Variants in LRRIQ3 observed in about 807,000 individuals in gnomAD.
The protein encoded by LRRIQ3 is leucine rich repeats and IQ motif containing 3.
Under a neutral mutation model 59.3 loss-of-function variants are expected in LRRIQ3, and 75 were observed. The observed-to-expected ratio is 1.26, with a 90% CI of 1.05 to 1.53. LRRIQ3 has a LOEUF of 1.53. Among genes scored for constraint, LRRIQ3 ranks in the 40% most tolerant of loss-of-function variants. LRRIQ3 has a pLI of 0.00. For synonymous variants in LRRIQ3, 250 were observed against 231.3 expected (o/e 1.08, Z -0.73); for missense variants, 831 against 710.0 (o/e 1.17, Z -1.94).
chr1:74,045,087 G>C (rs935756825), intron 6 of LRRIQ3, among the ~76,000 whole-genome samples: 9 of 152,108 alleles, frequency 5.9e-5, no homozygotes, highest in East Asian at 1.9e-4. Flanking sequence ...GAGAAAAAGA[G>C]CGAATCCTCC....
chr1:74,040,861 C>T (rs1654022238), intron 7 of LRRIQ3, among the ~76,000 whole-genome samples: 1 of 152,134 alleles, frequency 6.6e-6, no homozygotes, highest in Non-Finnish European at 1.5e-5. Flanking sequence ...AAATGACACC[C>T]TAACATCAGA....
chr1:74,124,082 A>G (rs969593428), intron 4 of LRRIQ3, among the ~76,000 whole-genome samples: 6 of 151,902 alleles, frequency 3.9e-5, no homozygotes, highest in African/African-American at 1.4e-4. Context: ...TGGTATCTCA[A>G]TGTAGCTTTG....
At chr1:74,178,006 T>C (rs1437090755) in intron 3 of LRRIQ3, among the ~76,000 whole-genome samples, 1 of 151,974 alleles carries the variant, frequency 6.6e-6, no homozygotes, top group Admixed American at 6.6e-5. Flanking sequence ...AGAACTAAAA[T>C]ATCATTATTG....
At chr1:74,197,959 G>A in intron 1 of LRRIQ3, 37 bp downstream of exon 1, 1 of 433,612 alleles carries the variant, frequency 2.3e-6, no homozygotes, top group Non-Finnish European at 4.1e-6. Flanking sequence ...TAGCGGGTCG[G>A]TTCTAACAAT....
chr1:74,112,168 GCCT>G (rs1349041735), intron 4 of LRRIQ3, among the ~76,000 whole-genome samples: 3 of 152,238 alleles, frequency 2.0e-5, no homozygotes, highest in Admixed American at 6.6e-5. Context: ...GTGAGCCACT[GCCT>G]CCTCCTTCTG....
intron 7 of LRRIQ3, among the ~76,000 whole-genome samples, chr1:74,032,524 C>T (rs1413487890): frequency 2.0e-5 from 3 of 151,974 alleles, no homozygotes; most frequent in African/African-American, 7.2e-5. Flanking sequence ...TCACTCTTTC[C>T]CTGTGCTTCC....
At chr1:74,179,726 G>A (rs1227706358) in intron 3 of LRRIQ3, among the ~76,000 whole-genome samples, 1 of 151,746 alleles carries the variant, frequency 6.6e-6, no homozygotes, top group African/African-American at 2.4e-5. Flanking sequence ...AAATTTATAG[G>A]TGGCCTCAAA....
chr1:74,191,886 C>T (rs1426783407), intron 1 of LRRIQ3, among the ~76,000 whole-genome samples: 1 of 151,878 alleles, frequency 6.6e-6, no homozygotes, highest in East Asian at 1.9e-4. Context: ...AAAAGAGCAG[C>T]AAATTTAATC....
At chr1:74,178,044 G>T (rs181112919) in intron 3 of LRRIQ3, among the ~76,000 whole-genome samples, 31 of 151,928 alleles carry the variant, frequency 2.0e-4, no homozygotes, top group Admixed American at 3.9e-4. Flanking sequence ...ATCAATGAAA[G>T]AGTTCCTATC....
At chr1:74,115,377 C>T (rs1646764515) in intron 4 of LRRIQ3, among the ~76,000 whole-genome samples, 1 of 151,844 alleles carries the variant, frequency 6.6e-6, no homozygotes, top group African/African-American at 2.4e-5. Flanking sequence ...TTAATATTTC[C>T]ATCTCATCTT....
intron 5 of LRRIQ3, among the ~76,000 whole-genome samples, chr1:74,080,052 T>G (rs371092670): frequency 6.6e-6 from 1 of 151,742 alleles, no homozygotes; most frequent in Non-Finnish European, 1.5e-5. Context: ...TATCAACTTA[T>G]CAATTTCTGA....
At chr1:74,174,367 TC>T (rs1368687477) in intron 3 of LRRIQ3, among the ~76,000 whole-genome samples, 2 of 151,640 alleles carry the variant, frequency 1.3e-5, no homozygotes, top group African/African-American at 4.8e-5. Context: ...CAATCCCCCT[TC>T]CGCCCTTCCC....
intron 3 of LRRIQ3, among the ~76,000 whole-genome samples, chr1:74,158,396 C>A (rs1050856550): frequency 1.3e-5 from 2 of 152,122 alleles, no homozygotes; most frequent in African/African-American, 4.8e-5. Flanking sequence ...CCCATCCTAG[C>A]TCCTTAATCT....
At chr1:74,070,540 T>C (rs1654997936) in intron 6 of LRRIQ3, among the ~76,000 whole-genome samples, 1 of 151,936 alleles carries the variant, frequency 6.6e-6, no homozygotes, top group Non-Finnish European at 1.5e-5. Flanking sequence ...GCTTACTACC[T>C]GAGTAAGGAA....
At chr1:74,091,403 G>T (rs1046726330) in intron 5 of LRRIQ3, among the ~76,000 whole-genome samples, 1 of 151,894 alleles carries the variant, frequency 6.6e-6, no homozygotes, top group Non-Finnish European at 1.5e-5. Context: ...AAGACCTGAG[G>T]TATCAAATGA....
At chr1:74,137,233 G>A (rs1020553914) in intron 4 of LRRIQ3, among the ~76,000 whole-genome samples, 3 of 151,632 alleles carry the variant, frequency 2.0e-5, no homozygotes, top group African/African-American at 7.3e-5. Context: ...AACCTAAATT[G>A]CTACTGCAGA....
At chr1:74,051,009 C>T (rs1654354477) in intron 6 of LRRIQ3, among the ~76,000 whole-genome samples, 1 of 152,144 alleles carries the variant, frequency 6.6e-6, no homozygotes, top group Admixed American at 6.6e-5. Context: ...TCTTACATCT[C>T]ACATGTAATA....
chr1:74,183,906 G>A (rs12029606), intron 1 of LRRIQ3, among the ~76,000 whole-genome samples: 48,064 of 151,734 alleles, frequency 0.32, 8,480 homozygotes, highest in Middle Eastern at 0.45. Flanking sequence ...ACCAGTGAAC[G>A]AACTAATTAG....
intron 5 of LRRIQ3, among the ~76,000 whole-genome samples, chr1:74,105,594 G>T (rs1297163213): frequency 1.3e-5 from 2 of 151,710 alleles, no homozygotes; most frequent in African/African-American, 4.8e-5. Context: ...CTATTTTTGA[G>T]TCCTTATTAA....
Sources: gnomAD v4.1 joint callset for allele counts (sites outside exome capture counted in the v4.1 genomes callset) on GRCh38, gnomAD v4.1.1 for gene constraint, MANE v1.5 for transcripts, NCBI Gene and HGNC (gene_info 2026-07-23, HGNC 2026-07-21) for gene names.